MAMDC2: variants seen among roughly 807,000 people sequenced by gnomAD.
MAMDC2 encodes MAM domain containing 2.
Under a neutral mutation model 89.8 loss-of-function variants are expected in MAMDC2, and 57 were observed. The observed-to-expected ratio is 0.63, with a 90% confidence interval of 0.51 to 0.79. The LOEUF (loss-of-function observed/expected upper bound fraction) is 0.79, where lower values mean the gene tolerates loss of function less well. Among genes scored for constraint, MAMDC2 ranks in the 30% least tolerant of loss-of-function variants. MAMDC2 has a pLI of 0.00. For missense variants in MAMDC2, 800 were observed against 820.6 expected (o/e 0.97, Z 0.31); for synonymous variants, 313 against 293.4 (o/e 1.07, Z -0.68).
At position 70,225,840 on chromosome 9, in the gene MAMDC2, AT is replaced by A; in HGVS notation, c.1996+12del. 1.9e-6 allele frequency: 3 copies of A among 1,595,764 alleles called. No individual in the cohort carries two copies. Among genetic ancestry groups the A allele is most frequent in the Middle Eastern group, 3.5e-4 (2 of 5,744 alleles). On this transcript the variant is annotated splice_region_variant and intron_variant, in intron 13 of 13. Coordinates refer to ENST00000377182, the MANE Select transcript of MAMDC2 (RefSeq NM_153267.5). ...TCAGGCAGGACCCTGTGGAGGTAAT[AT>A]TTTTTCCCAATCATATAAGCTTGAC...
At chr9:70,141,556 G>T (rs7865289) in intron 8 of MAMDC2, among the ~76,000 whole-genome samples, 136,454 of 152,206 alleles carry the variant, frequency 0.9, 61,561 homozygotes, top group East Asian at 1. Context: ...CCCTCTTGGG[G>T]TCCATGTTTG....
At chr9:70,190,875 C>T (rs1180557161) in intron 11 of MAMDC2, among the ~76,000 whole-genome samples, 1 of 152,110 alleles carries the variant, frequency 6.6e-6, no homozygotes, top group Non-Finnish European at 1.5e-5. Context: ...TCAGAAGCTG[C>T]TAAACAGGTT....
intron 5 of MAMDC2, among the ~76,000 whole-genome samples, chr9:70,116,650 G>C (rs2030007912): frequency 6.6e-6 from 1 of 150,386 alleles, no homozygotes; most frequent in Non-Finnish European, 1.5e-5. Context: ...TTTCAAAATG[G>C]CTTGAGTCCC....
chr9:70,211,374 T>C lies in MAMDC2; in HGVS notation c.1652-6963T>C, dbSNP rs1033430346. On this transcript the variant is annotated intron_variant, in intron 11 of 13. Coordinates refer to ENST00000377182, the MANE Select transcript of MAMDC2 (RefSeq NM_153267.5). ...GTCTCTTCTCACTTCATTTCATTAA[T>C]TTGATCTTCAATCACTGATTACCTT... Among the ~76,000 whole-genome samples, 6 of 152,348 alleles carry C rather than the reference T, an allele frequency of 3.9e-5. No homozygotes were observed. In the East Asian group the frequency reaches 1.2e-3, roughly 29 times the overall value.
intron 9 of MAMDC2, among the ~76,000 whole-genome samples, chr9:70,144,734 C>A (rs960484203): frequency 6.6e-6 from 1 of 152,140 alleles, no homozygotes; most frequent in East Asian, 1.9e-4. Flanking sequence ...CAGGAGTCAC[C>A]CAAAGTGCAG....
intron 2 of MAMDC2, chr9:70,079,301 T>G (rs191018131): frequency 2.2e-4 from 34 of 152,278 alleles, no homozygotes; most frequent in Middle Eastern, 3.4e-3. Flanking sequence ...CAGACTGTTG[T>G]GTACAAGTAT....
At chr9:70,215,214 C>CG (rs2033421908) in intron 11 of MAMDC2, among the ~76,000 whole-genome samples, 2 of 152,106 alleles carry the variant, frequency 1.3e-5, no homozygotes. Flanking sequence ...TGCAAGCCAA[C>CG]GTAAGAATGT....
intron 2 of MAMDC2, among the ~76,000 whole-genome samples, chr9:70,100,012 G>C (rs1828134421): frequency 6.8e-6 from 1 of 147,908 alleles, no homozygotes. Flanking sequence ...GAGAGAGAGA[G>C]AGAGAGAGAG....
intron 9 of MAMDC2, among the ~76,000 whole-genome samples, chr9:70,148,571 T>C (rs1354129326): frequency 6.7e-6 from 1 of 150,248 alleles, no homozygotes; most frequent in East Asian, 1.9e-4. Context: ...ATTCTGACTT[T>C]TGAGCAGGGG....
At chr9:70,155,196 T>G (rs1235423165) in intron 9 of MAMDC2, among the ~76,000 whole-genome samples, 3 of 152,174 alleles carry the variant, frequency 2.0e-5, no homozygotes, top group African/African-American at 7.2e-5. Context: ...AAGCCTTTTA[T>G]GCATCTCATC....
At chr9:70,089,338 C>A (rs1471342518) in intron 2 of MAMDC2, 6 of 152,156 alleles carry the variant, frequency 3.9e-5, no homozygotes, top group Admixed American at 1.3e-4. Context: ...GAATATGAAG[C>A]TTCATACGTC....
At chr9:70,189,358 A>G (rs929713510) in intron 11 of MAMDC2, among the ~76,000 whole-genome samples, 1 of 152,088 alleles carries the variant, frequency 6.6e-6, no homozygotes, top group Non-Finnish European at 1.5e-5. Flanking sequence ...TCATCTCACT[A>G]TCTTCTGGCC....
chr9:70,090,143 ACAC>A (rs1236466302), intron 2 of MAMDC2, among the ~76,000 whole-genome samples: 1 of 151,958 alleles, frequency 6.6e-6, no homozygotes, highest in Non-Finnish European at 1.5e-5. Flanking sequence ...ACACACACAC[ACAC>A]ACACATAAAA....
At chr9:70,133,388 A>T (rs17088796) in intron 7 of MAMDC2, among the ~76,000 whole-genome samples, 10,460 of 152,274 alleles carry the variant, frequency 0.069, 568 homozygotes, top group East Asian at 0.22. Flanking sequence ...AAGGAAAAGA[A>T]ACGTTCCAGC....
intron 11 of MAMDC2, among the ~76,000 whole-genome samples, chr9:70,176,660 C>T (rs946246758): frequency 3.3e-5 from 5 of 152,174 alleles, no homozygotes; most frequent in African/African-American, 1.2e-4. Flanking sequence ...TTTCTCAAGA[C>T]ACCTTCCACT....
At chr9:70,183,297 T>C (rs1212811033) in intron 11 of MAMDC2, among the ~76,000 whole-genome samples, 1 of 152,190 alleles carries the variant, frequency 6.6e-6, no homozygotes, top group Non-Finnish European at 1.5e-5. Context: ...ATAAGTGCGA[T>C]GTGTTGCTGA....
At chr9:70,090,961 A>C (rs1191770736) in intron 2 of MAMDC2, among the ~76,000 whole-genome samples, 1 of 152,226 alleles carries the variant, frequency 6.6e-6, no homozygotes, top group Non-Finnish European at 1.5e-5. Context: ...CAGATAGATA[A>C]TATAACCATC....
At chr9:70,161,407 G>GA (rs929002736) in intron 9 of MAMDC2, among the ~76,000 whole-genome samples, 2 of 152,056 alleles carry the variant, frequency 1.3e-5, no homozygotes, top group Non-Finnish European at 2.9e-5. Context: ...TTTTAAAAAA[G>GA]AAAAAACTAA....
At chr9:70,093,806 C>G (rs1389635336) in intron 2 of MAMDC2, 1 of 152,124 alleles carries the variant, frequency 6.6e-6, no homozygotes, top group Admixed American at 6.6e-5. Flanking sequence ...AAAATGTGTT[C>G]TGAGAACTGA....
Sources: gnomAD v4.1 joint callset for allele counts (sites outside exome capture counted in the v4.1 genomes callset) on GRCh38, gnomAD v4.1.1 for gene constraint, MANE v1.5 for transcripts, NCBI Gene and HGNC (gene_info 2026-07-23, HGNC 2026-07-21) for gene names.